The following PHTF2 variants were observed in gnomAD, a reference collection of about 807,000 sequenced individuals.
PHTF2 encodes protein PHTF2.
Under a neutral mutation model 101.2 loss-of-function variants are expected in PHTF2, and 60 were observed. That is an observed-to-expected ratio of 0.59 (90% CI 0.48 to 0.73). PHTF2 has a LOEUF of 0.73. Among genes scored for constraint, PHTF2 ranks in the 30% least tolerant of loss-of-function variants. PHTF2 has a pLI of 0.00. For synonymous variants in PHTF2, 311 were observed against 307.3 expected (o/e 1.01, Z -0.13); for missense variants, 747 against 908.7 (o/e 0.82, Z 2.29).
intron 7 of PHTF2, among the ~76,000 whole-genome samples, chr7:77,907,454 G>A (rs775942875): frequency 3.3e-5 from 5 of 151,936 alleles, no homozygotes; most frequent in African/African-American, 7.3e-5. Context: ...TTTTTTGGTC[G>A]TTAATTTTAC....
In PHTF2 at chr7:77,910,482, A is replaced by T. The variant is rs543252759; in HGVS notation, c.776+73A>T. On this transcript the variant is annotated intron_variant, in intron 9 of 19. Transcript: ENST00000416283. ...TTTTTCTGGCACTTCAGTCTCAGGTAATGAATATTAATTACTTTAAATGTG... is the reference window on the plus strand; with the variant it reads ...TTTTTCTGGCACTTCAGTCTCAGGTTATGAATATTAATTACTTTAAATGTG... 1.3e-4 allele frequency: 133 copies of T among 995,866 alleles called. No homozygotes were observed. In the African/African-American group the frequency reaches 1.8e-3, roughly 14 times the overall value. 61.7% of individuals were successfully genotyped at this position (995,866 alleles called of 1,614,324 possible).
At chr7:77,951,739 A>G in intron 18 of PHTF2, 27 bp downstream of exon 17, 1 of 895,422 alleles carries the variant, frequency 1.1e-6, no homozygotes, top group Non-Finnish European at 1.7e-6. Context: ...AAATGGTTAT[A>G]ATGTCAAATA....
intron 3 of PHTF2, among the ~76,000 whole-genome samples, chr7:77,874,876 CTG>C (rs1326589508): frequency 6.6e-6 from 1 of 152,140 alleles, no homozygotes; most frequent in Non-Finnish European, 1.5e-5. Context: ...ATTGAAGAGA[CTG>C]TCTTTTCCCC....
chr7:77,937,146 A>G (rs1489322594), intron 12 of PHTF2, among the ~76,000 whole-genome samples: 1 of 152,204 alleles, frequency 6.6e-6, no homozygotes, highest in Non-Finnish European at 1.5e-5. Flanking sequence ...AAAAGTAACT[A>G]AATCAGATAT....
chr7:77,872,708 C>T (rs1798618258), intron 3 of PHTF2, among the ~76,000 whole-genome samples: 1 of 152,176 alleles, frequency 6.6e-6, no homozygotes, highest in Non-Finnish European at 1.5e-5. Flanking sequence ...GCTGCCCTCA[C>T]AAATCTAGTT....
At chr7:77,882,119 A>C (rs1799470810) in intron 3 of PHTF2, among the ~76,000 whole-genome samples, 1 of 152,178 alleles carries the variant, frequency 6.6e-6, no homozygotes, top group African/African-American at 2.4e-5. Context: ...TTGGGGATTC[A>C]TGCAGAGAAT....
At chr7:77,847,065 T>G (rs896031325) in intron 2 of PHTF2, among the ~76,000 whole-genome samples, 10 of 152,230 alleles carry the variant, frequency 6.6e-5, no homozygotes, top group Admixed American at 3.9e-4. Context: ...TAATCAGTTC[T>G]GAAAGTGACC....
intron 1 of PHTF2, among the ~76,000 whole-genome samples, chr7:77,829,943 G>A (rs1170500591): frequency 2.0e-5 from 3 of 152,168 alleles, no homozygotes; most frequent in Admixed American, 2.0e-4. Flanking sequence ...GAAAAAGTAT[G>A]TTTGTTTATG....
At chr7:77,815,769 C>T (rs187419818) in intron 1 of PHTF2, among the ~76,000 whole-genome samples, 4 of 152,182 alleles carry the variant, frequency 2.6e-5, no homozygotes, top group African/African-American at 7.2e-5. Context: ...ACTTTATTCC[C>T]GTTTCCAGGG....
chr7:77,955,071 T>C, exon 20 of PHTF2: 1 of 333,904 alleles, frequency 3.0e-6, no homozygotes. Flanking sequence ...TTAGTCTTTA[T>C]ATTTTTATTT....
chr7:77,950,600 A>T (rs1023017341), intron 17 of PHTF2, among the ~76,000 whole-genome samples: 9 of 152,180 alleles, frequency 5.9e-5, no homozygotes, highest in African/African-American at 1.9e-4. Flanking sequence ...GGTTGCAGTG[A>T]GCTGAGATTG....
chr7:77,923,522 C>A (rs1431366101), intron 11 of PHTF2: 1 of 983,928 alleles, frequency 1.0e-6, no homozygotes, highest in African/African-American at 1.7e-5. Flanking sequence ...AGAAGAGTTA[C>A]TATTCTTTGC....
chr7:77,868,299 C>T (rs913071036), intron 3 of PHTF2, among the ~76,000 whole-genome samples: 14 of 148,598 alleles, frequency 9.4e-5, no homozygotes, highest in African/African-American at 2.2e-4. Context: ...TGCACCACCT[C>T]GCAAGTGGCT....
intron 1 of PHTF2, among the ~76,000 whole-genome samples, chr7:77,817,544 T>G (rs1039110921): frequency 6.6e-6 from 1 of 152,120 alleles, no homozygotes; most frequent in Non-Finnish European, 1.5e-5. Context: ...CATCAGATCT[T>G]GTGAGAACTT....
At chr7:77,810,245 A>G (rs955981295) in intron 1 of PHTF2, among the ~76,000 whole-genome samples, 1 of 152,010 alleles carries the variant, frequency 6.6e-6, no homozygotes, top group African/African-American at 2.4e-5. Flanking sequence ...CTTTACCGCT[A>G]CTGAGTTTTT....
chr7:77,916,232 A>G (rs1017672209), intron 9 of PHTF2, among the ~76,000 whole-genome samples: 2 of 152,198 alleles, frequency 1.3e-5, no homozygotes, highest in Non-Finnish European at 2.9e-5. Context: ...GAATTTTACA[A>G]TATTTGTTTT....
chr7:77,922,889 C>T (rs1803614040), intron 11 of PHTF2, 111 bp downstream of exon 10: 2 of 1,266,356 alleles, frequency 1.6e-6, no homozygotes, highest in Non-Finnish European at 2.1e-6. Context: ...ACATTATTAT[C>T]AATATTTATT....
chr7:77,860,472 C>G (rs1797547649), intron 3 of PHTF2, among the ~76,000 whole-genome samples: 2 of 152,244 alleles, frequency 1.3e-5, no homozygotes, highest in Non-Finnish European at 2.9e-5. Flanking sequence ...TATTTAGCAA[C>G]TTTGGGTGAG....
At chr7:77,953,803 C>A in exon 19 of PHTF2, 1 of 1,613,118 alleles carries the variant, frequency 6.2e-7, no homozygotes, top group Non-Finnish European at 8.5e-7. Context: ...TATGGGCTTA[C>A]AATGAATCCG....
Sources: allele counts gnomAD v4.1 joint callset (sites outside exome capture counted in the v4.1 genomes callset), GRCh38; gene constraint gnomAD v4.1.1; transcripts MANE v1.5; gene names NCBI Gene and HGNC (gene_info 2026-07-23, HGNC 2026-07-21).